The following DST variants were observed in gnomAD, a reference collection of about 807,000 sequenced individuals.
DST encodes the protein dystonin.
Under a neutral mutation model 875.2 loss-of-function variants are expected in DST, and 253 were observed. The observed-to-expected ratio is 0.29, with a 90% CI of 0.26 to 0.32. DST has a LOEUF of 0.32. Among genes scored for constraint, DST ranks in the 10% least tolerant of loss-of-function variants. The probability of loss-of-function intolerance (pLI) is 1.00; values close to 1 mark genes in which losing one functional copy is unlikely to be tolerated. For synonymous variants in DST, 3,124 were observed against 3,197.1 expected (o/e 0.98, Z 0.77); for missense variants, 8,287 against 9,111.6 (o/e 0.91, Z 3.68).
At chr6:56,617,515 ACAAG>A in intron 36 of DST, 2 of 1,178,754 alleles carry the variant, frequency 1.7e-6, no homozygotes, top group Non-Finnish European at 2.5e-6. Flanking sequence ...AATTACAAAG[ACAAG>A]ATTAGTGAAA....
intron 4 of DST, among the ~76,000 whole-genome samples, chr6:56,797,818 CAAAAAAAA>C (rs34649685): frequency 1.6e-5 from 1 of 60,824 alleles, no homozygotes; most frequent in African/African-American, 5.9e-5. Context: ...AACTCCGTCT[CAAAAAAAA>C]AAAAAAAAAA....
intron 10 of DST, among the ~76,000 whole-genome samples, chr6:56,655,325 G>T (rs1209627172): frequency 1.3e-5 from 2 of 152,094 alleles, no homozygotes; most frequent in African/African-American, 4.8e-5. Context: ...ACTAATTAAA[G>T]TTAACTAAGA....
At chr6:56,491,787 T>C (rs1482876837) in intron 85 of DST, among the ~76,000 whole-genome samples, 3 of 152,158 alleles carry the variant, frequency 2.0e-5, no homozygotes, top group East Asian at 3.8e-4. Context: ...GAGGGCTACA[T>C]GTCTGGCTCT....
chr6:56,586,116 T>C (rs911340170), intron 49 of DST, among the ~76,000 whole-genome samples: 1 of 152,200 alleles, frequency 6.6e-6, no homozygotes, highest in Non-Finnish European at 1.5e-5. Context: ...TTAGGTCTGC[T>C]TGGTGTAGAG....
intron 92 of DST, among the ~76,000 whole-genome samples, chr6:56,475,895 A>C (rs976398238): frequency 3.3e-5 from 5 of 152,170 alleles, no homozygotes; most frequent in African/African-American, 1.2e-4. Flanking sequence ...GGAGGGCAGG[A>C]GTGAACGTGA....
chr6:56,817,544 C>T (rs554376625), intron 4 of DST, among the ~76,000 whole-genome samples: 1 of 152,094 alleles, frequency 6.6e-6, no homozygotes, highest in Non-Finnish European at 1.5e-5. Flanking sequence ...AACTCTATGG[C>T]AAAATATCAA....
chr6:56,827,536 A>G (rs1039684963), intron 4 of DST, among the ~76,000 whole-genome samples: 3 of 151,900 alleles, frequency 2.0e-5, no homozygotes, highest in African/African-American at 4.8e-5. Context: ...AAGGTAAAAC[A>G]ATAGCAACAA....
At chr6:56,506,576 C>T in intron 76 of DST, 32 bp from the exon 77 acceptor site, 2 of 1,606,916 alleles carry the variant, frequency 1.2e-6, no homozygotes, top group Non-Finnish European at 1.7e-6. Flanking sequence ...TCTTTTAGTG[C>T]CATATTTTAA....
intron 4 of DST, among the ~76,000 whole-genome samples, chr6:56,801,233 C>T (rs902449881): frequency 5.9e-5 from 9 of 152,106 alleles, no homozygotes; most frequent in African/African-American, 1.4e-4. Flanking sequence ...TCATCCAGGA[C>T]GACAATGCAT....
rs748449242 is a variant in DST, at chr6:56,509,921, C to T, written c.18781-48G>A. The T allele has an allele frequency of 8.8e-6, 12 of 1,362,072 alleles. No homozygotes were observed. In the Admixed American group the frequency reaches 9.3e-5, roughly 11 times the overall value. 84.4% of individuals were successfully genotyped at this position (1,362,072 alleles called of 1,614,324 possible). Reference sequence around the variant, plus strand: ...TTTTATGGAAAAAAGATCTGTAATACCAAGTGTGAAATTTAAATGAAAAAA... The same window carrying T: ...TTTTATGGAAAAAAGATCTGTAATATCAAGTGTGAAATTTAAATGAAAAAA... On this transcript the variant is annotated intron_variant, in intron 73 of 103. Transcript: ENST00000680361.
intron 3 of DST, among the ~76,000 whole-genome samples, chr6:56,874,370 T>C (rs1778746942): frequency 6.6e-6 from 1 of 152,152 alleles, no homozygotes; most frequent in South Asian, 2.1e-4. Context: ...AACTTAAATT[T>C]ATATAAATTA....
chr6:56,476,122 C>G (rs368274392), intron 92 of DST, 27 bp downstream of exon 92: 17 of 1,547,724 alleles, frequency 1.1e-5, no homozygotes, highest in Non-Finnish European at 1.5e-5. Flanking sequence ...TAATGGTTAA[C>G]AGGAGTTAGG....
intron 47 of DST, among the ~76,000 whole-genome samples, chr6:56,595,225 C>T (rs972396166): frequency 2.0e-5 from 3 of 152,122 alleles, no homozygotes; most frequent in Non-Finnish European, 2.9e-5. Flanking sequence ...TACCTCCATC[C>T]CCACCCTGGT....
chr6:56,533,187 G>T lies in DST; in HGVS notation c.16942-677C>A, dbSNP rs1447318891. 2.6e-5 allele frequency among the ~76,000 whole-genome samples: 4 copies of T among 152,212 alleles called. No homozygotes were observed. In the South Asian group the frequency reaches 6.2e-4, roughly 24 times the overall value. On this transcript the variant is annotated intron_variant, in intron 63 of 103. Transcript: ENST00000680361. Reference sequence around the variant, plus strand: ...ACTAATATTTCAGGATTTAGCACCAGAAACAAAATTCAATTTGATTCTAAT... The same window carrying T: ...ACTAATATTTCAGGATTTAGCACCATAAACAAAATTCAATTTGATTCTAAT...
intron 4 of DST, among the ~76,000 whole-genome samples, chr6:56,784,983 G>C (rs1472047549): frequency 1.3e-5 from 2 of 152,188 alleles, no homozygotes; most frequent in African/African-American, 4.8e-5. Flanking sequence ...GAATTTGCTA[G>C]AGGTCCACTC....
intron 4 of DST, among the ~76,000 whole-genome samples, chr6:56,778,351 CTCTT>C (rs1353814417): frequency 7.4e-6 from 1 of 134,886 alleles, no homozygotes; most frequent in Non-Finnish European, 1.6e-5. Flanking sequence ...TTATTCTTTT[CTCTT>C]TTTTTTTTTT....
At chr6:56,757,140 T>A in intron 4 of DST, among the ~76,000 whole-genome samples, 1 of 152,200 alleles carries the variant, frequency 6.6e-6, no homozygotes, top group Non-Finnish European at 1.5e-5. Context: ...AATGCAACTT[T>A]AAACAACTGA....
intron 4 of DST, among the ~76,000 whole-genome samples, chr6:56,813,377 A>G (rs1434928124): frequency 1.4e-5 from 2 of 142,456 alleles, no homozygotes; most frequent in Non-Finnish European, 3.1e-5. Flanking sequence ...TAAAACTTAA[A>G]GTATAATAAT....
intron 4 of DST, among the ~76,000 whole-genome samples, chr6:56,845,291 G>A (rs922807902): frequency 6.6e-5 from 10 of 151,942 alleles, no homozygotes; most frequent in African/African-American, 1.7e-4. Flanking sequence ...CTTTGTTAGC[G>A]TTGGGTGTTG....
Sources: allele counts gnomAD v4.1 joint callset (sites outside exome capture counted in the v4.1 genomes callset), GRCh38; gene constraint gnomAD v4.1.1; transcripts MANE v1.5; gene names NCBI Gene and HGNC (gene_info 2026-07-23, HGNC 2026-07-21).